ZNF345: variants seen among roughly 807,000 people sequenced by gnomAD.
ZNF345 encodes zinc finger protein HZF10.
For missense variants in ZNF345, 527 were observed against 589.9 expected (o/e 0.89, Z 1.10); for synonymous variants, 166 against 187.9 (o/e 0.88, Z 0.95).
Position 36,850,914 on chromosome 19 carries a change from T to C in ZNF345, c.-176T>C, listed in dbSNP as rs1408633417. On this transcript the variant is annotated 5_prime_UTR_variant, in exon 1 of 3. Transcript: ENST00000420450. Reference sequence around the variant, plus strand: ...CGGCCTTGGGGCTTTGTGAGATAGCTAGGGTCGACTTGTGTGGATTCTAGT... The same window carrying C: ...CGGCCTTGGGGCTTTGTGAGATAGCCAGGGTCGACTTGTGTGGATTCTAGT... 3 of 152,324 alleles carry C rather than the reference T, an allele frequency of 2.0e-5. No homozygotes were observed. The highest frequency in any genetic ancestry group is 4.4e-5 in the Non-Finnish European group (3 of 68,060). The allele number at this position is 152,324 out of a possible 1,614,324, so 9.4% of individuals were successfully genotyped here.
chr19:36,859,943 G>A (rs2072510082), intron 2 of ZNF345, among the ~76,000 whole-genome samples: 1 of 151,452 alleles, frequency 6.6e-6, no homozygotes, highest in African/African-American at 2.4e-5. Flanking sequence ...TTAAGACTAA[G>A]TTGCAGATTT....
intron 2 of ZNF345, among the ~76,000 whole-genome samples, chr19:36,873,815 T>C (rs2072820836): frequency 6.6e-6 from 1 of 152,188 alleles, no homozygotes; most frequent in Non-Finnish European, 1.5e-5. Context: ...AGGATCTCTT[T>C]CTTTTCAATG....
At position 36,868,757 on chromosome 19, in the gene ZNF345, C is replaced by T. The variant is rs559233138; in HGVS notation, c.-46-8028C>T. Among the ~76,000 whole-genome samples the T allele has an allele frequency of 1.8e-3, 273 of 151,804 alleles. 1 individual carries two copies. The highest frequency in any genetic ancestry group is 6.3e-3 in the African/African-American group (260 of 41,376). ...TCTCCTGCCTCAGGCTCCCGAGTAG[C>T]TGGGATTACAGGTGCGTGCCACCAC... On this transcript the variant is annotated intron_variant, in intron 2 of 2. Coordinates refer to ENST00000420450, the MANE Select transcript of ZNF345 (RefSeq NM_001242472.2).
chr19:36,852,877 GTTT>G (rs974865014), intron 2 of ZNF345, among the ~76,000 whole-genome samples: 1 of 137,626 alleles, frequency 7.3e-6, no homozygotes, highest in African/African-American at 2.7e-5. Context: ...TGTTTTTTTT[GTTT>G]TTTTTTTTTG....
At position 36,879,553 on chromosome 19, in the gene ZNF345, A is replaced by C. The variant is rs1391230814; in HGVS notation, c.*1256A>C. The C allele has an allele frequency of 6.0e-6, 1 of 166,872 alleles. No homozygotes were observed. The highest frequency in any genetic ancestry group is 1.5e-5 in the Non-Finnish European group (1 of 68,112). 10.3% of individuals were successfully genotyped at this position (166,872 alleles called of 1,614,324 possible). A position where few individuals can be genotyped will look rare whatever the true frequency, so the allele number is the denominator to read the frequency against. On this transcript the variant is annotated 3_prime_UTR_variant, in exon 3 of 3. Coordinates refer to ENST00000420450, the MANE Select transcript of ZNF345 (RefSeq NM_001242472.2). ...AACCCCAATTTTGTCAAATATTAAA[A>C]ATTTTGCCATTATAAACACTTACCT...
At chr19:36,884,757 A>G (rs2072987339) in intron 3 of ZNF345, among the ~76,000 whole-genome samples, 2 of 152,178 alleles carry the variant, frequency 1.3e-5, no homozygotes, top group Non-Finnish European at 2.9e-5. Flanking sequence ...ACCCAGCCAA[A>G]CCAAGACACT....
chr19:36,875,054 GT>G (rs1057263310), intron 2 of ZNF345, among the ~76,000 whole-genome samples: 2 of 151,610 alleles, frequency 1.3e-5, no homozygotes, highest in Non-Finnish European at 2.9e-5. Context: ...ATGCATTTAG[GT>G]TTTTTTTGCA....
exon 4 of ZNF345, chr19:36,892,971 G>T: frequency 2.2e-6 from 1 of 461,942 alleles, no homozygotes; most frequent in Non-Finnish European, 3.6e-6. Context: ...TTCTGCTCCA[G>T]GGCATGCACC....
chr19:36,877,143 C>G lies in ZNF345; in HGVS notation c.313C>G (p.Leu105Val), dbSNP rs147086974. 26 of 1,613,930 alleles carry G rather than the reference C, an allele frequency of 1.6e-5. No individual in the cohort carries two copies. The African/African-American group carries it at 3.2e-4, about 20-fold the overall frequency. The change falls in exon 3 of 3, where the codon CTT becomes GTT. Residue 105 changes from leucine to valine, a missense_variant. Transcript: ENST00000420450. The stretch of plus-strand genomic sequence containing the variant: ...CAAGGCCTTTGGTAGTGGTGCAAAC[C>G]TTGCTTACCATCAAAGAATTCATAC... ...CGKAFGSGAN[L>V]AYHQRIHTGE...
chr19:36,878,438 A>G lies in ZNF345; in HGVS notation c.*141A>G. On this transcript the variant is annotated 3_prime_UTR_variant, in exon 3 of 3. Transcript: ENST00000420450. ...CAGTCTAAGAATATTTATACAGGAA[A>G]AAAATCACCCCAAATAAAATAAATA... 1.6e-6 allele frequency: 1 copy of G among 606,344 alleles called. No homozygotes were observed. 37.6% of individuals were successfully genotyped at this position (606,344 alleles called of 1,614,324 possible).
exon 4 of ZNF345, chr19:36,892,824 C>A (rs771493994): frequency 1.2e-6 from 1 of 869,514 alleles, no homozygotes; most frequent in Non-Finnish European, 1.5e-6. Flanking sequence ...CCAGATCCCC[C>A]ACAGGCGCTG....
intron 3 of ZNF345, chr19:36,891,686 G>C: frequency 3.1e-6 from 5 of 1,613,756 alleles, no homozygotes; most frequent in South Asian, 1.1e-5. Context: ...CTCTGATGTT[G>C]AATAAGTTCT....
At position 36,877,137 on chromosome 19, in the gene ZNF345, G is replaced by A. The variant is rs753622715; in HGVS notation, c.307G>A (p.Ala103Thr). The change falls in exon 3 of 3, where the codon GCA (alanine) becomes ACA (threonine). Residue 103 changes from alanine to threonine, a missense_variant. Coordinates refer to ENST00000420450, the MANE Select transcript of ZNF345 (RefSeq NM_001242472.2). ...KECGKAFGSG[A>T]NLAYHQRIHT... ...ATGTGGCAAGGCCTTTGGTAGTGGT[G>A]CAAACCTTGCTTACCATCAAAGAAT... is the stretch of plus-strand genomic sequence containing the variant. 6.2e-7 allele frequency: 1 copy of A among 1,613,240 alleles called. No homozygotes were observed. Among genetic ancestry groups the A allele is most frequent in the South Asian group, 1.1e-5 (1 of 91,038 alleles).
downstream of ZNF345, among the ~76,000 whole-genome samples, chr19:36,882,819 GA>G (rs2072976691): frequency 6.8e-6 from 1 of 147,604 alleles, no homozygotes; most frequent in Non-Finnish European, 1.5e-5. Context: ...TATATGATGT[GA>G]AATAATATAT....
At chr19:36,891,988 T>A in intron 3 of ZNF345, 1 of 1,613,916 alleles carries the variant, frequency 6.2e-7, no homozygotes. Context: ...TTTACATTCA[T>A]AGGGTTTCTC....
chr19:36,872,098 A>C (rs78349605), intron 2 of ZNF345, among the ~76,000 whole-genome samples: 1,747 of 152,164 alleles, frequency 0.011, 40 homozygotes, highest in African/African-American at 0.04. Flanking sequence ...TTTTTTGAGA[A>C]TCCAGGACAA....
Position 36,878,197 on chromosome 19 carries a change from G to T in ZNF345, c.1367G>T (p.Cys456Phe), listed in dbSNP as rs767218083. The change falls in exon 3 of 3, where the codon TGT becomes TTT. Residue 456 changes from cysteine to phenylalanine, a missense_variant. Coordinates refer to ENST00000420450, the MANE Select transcript of ZNF345 (RefSeq NM_001242472.2). ...CATACAGGTGAGAAACTTTATGAAT[G>T]TAAGAACTGTGGGAAGGCTTATGGG... is the stretch of plus-strand genomic sequence containing the variant. ...RIHTGEKLYE[C>F]KNCGKAYGRD... 1.2e-6 allele frequency: 2 copies of T among 1,614,018 alleles called. No homozygotes were observed. Among genetic ancestry groups the T allele is most frequent in the Non-Finnish European group, 1.7e-6 (2 of 1,180,000 alleles).
intron 3 of ZNF345, chr19:36,888,505 A>G (rs1194563821): frequency 1.3e-5 from 2 of 152,198 alleles, no homozygotes; most frequent in Non-Finnish European, 2.9e-5. Context: ...TGAAATCCAC[A>G]GTAACTTATT....
At position 36,877,608 on chromosome 19, in the gene ZNF345, T is replaced by C. The variant is rs1251897014; in HGVS notation, c.778T>C (p.Cys260Arg). 1 of 1,614,122 alleles carries C rather than the reference T, an allele frequency of 6.2e-7. No individual in the cohort carries two copies. Among genetic ancestry groups the C allele is most frequent in the Non-Finnish European group, 8.5e-7 (1 of 1,180,006 alleles). The change falls in exon 3 of 3, where the codon TGT becomes CGT. Residue 260 changes from cysteine to arginine, a missense_variant. Transcript: ENST00000420450. ...TCATACCGGTGAGAAACCATATATA[T>C]GTAATGAATGTGGTAAGGCCTTTAG... Reference protein sequence around the residue: ...RIHTGEKPYICNECGKAFSFG... With the variant: ...RIHTGEKPYIRNECGKAFSFG...
Sources: gnomAD v4.1 joint callset for allele counts (sites outside exome capture counted in the v4.1 genomes callset) on GRCh38, gnomAD v4.1.1 for gene constraint, MANE v1.5 for transcripts, NCBI Gene and HGNC (gene_info 2026-07-23, HGNC 2026-07-21) for gene names.